SLC24A3: variants seen among roughly 807,000 people sequenced by gnomAD.
SLC24A3 encodes solute carrier family 24 member 3, also known as sodium/potassium/calcium exchanger 3.
A neutral mutation model predicts 75.8 loss-of-function variants in SLC24A3; 28 were observed. That is an observed-to-expected ratio of 0.37 (90% CI 0.27 to 0.51). The LOEUF (loss-of-function observed/expected upper bound fraction) is 0.51, where lower values mean the gene tolerates loss of function less well. SLC24A3 is among the 20% of genes least tolerant of loss of function. SLC24A3 has a pLI of 0.94. For synonymous variants in SLC24A3, 372 were observed against 334.1 expected (o/e 1.11, Z -1.24); for missense variants, 663 against 847.8 (o/e 0.78, Z 2.71).
chr20:19,669,434 G>A (rs576334310), intron 8 of SLC24A3, among the ~76,000 whole-genome samples: 9 of 152,138 alleles, frequency 5.9e-5, no homozygotes, highest in South Asian at 2.1e-4. Context: ...CCCTGGCAGC[G>A]GAGGTTGCTG....
rs1984652476 is a variant in SLC24A3, at chr20:19,319,255, C to T, written c.271+38168C>T. On this transcript the variant is annotated intron_variant, in intron 2 of 16. Transcript: ENST00000328041. ...AGGGGCTGGCTGGGCTTAATTTTTG[C>T]TCCGTAAATATGCATGTGTGTTTAT... Among the ~76,000 whole-genome samples the T allele has an allele frequency of 2.0e-5, 3 of 152,296 alleles. No homozygotes were observed. In the South Asian group the frequency reaches 6.2e-4, roughly 32 times the overall value.
At chr20:19,652,133 CT>C (rs1388838361) in intron 6 of SLC24A3, among the ~76,000 whole-genome samples, 1 of 152,212 alleles carries the variant, frequency 6.6e-6, no homozygotes, top group African/African-American at 2.4e-5. Context: ...AATTATTCTT[CT>C]GCTTTCCAGC....
intron 3 of SLC24A3, among the ~76,000 whole-genome samples, chr20:19,546,667 T>C (rs1369806949): frequency 6.6e-6 from 1 of 152,230 alleles, no homozygotes; most frequent in East Asian, 1.9e-4. Flanking sequence ...TCCTTTCCAA[T>C]TTGGAGTTTC....
intron 2 of SLC24A3, among the ~76,000 whole-genome samples, chr20:19,432,539 CT>C (rs1407033266): frequency 6.6e-6 from 1 of 152,096 alleles, no homozygotes; most frequent in Non-Finnish European, 1.5e-5. Context: ...CTCTGCCTAT[CT>C]AAAGCCCCAA....
chr20:19,579,917 A>G (rs553839814), intron 3 of SLC24A3, 83 bp from the exon 4 acceptor site: 18 of 1,019,384 alleles, frequency 1.8e-5, no homozygotes, highest in Admixed American at 7.3e-5. Context: ...AGAAGACATT[A>G]TCAAAGCAGA....
At chr20:19,285,159 A>G (rs6045949) in intron 2 of SLC24A3, among the ~76,000 whole-genome samples, 7,912 of 152,146 alleles carry the variant, frequency 0.052, 460 homozygotes, top group African/African-American at 0.14. Flanking sequence ...CTTTAAGGAT[A>G]TATTACTTTA....
intron 1 of SLC24A3, among the ~76,000 whole-genome samples, chr20:19,226,546 A>T (rs1981876244): frequency 6.6e-6 from 1 of 152,168 alleles, no homozygotes; most frequent in Non-Finnish European, 1.5e-5. Context: ...CTTAAAAACT[A>T]GTTTTAATGT....
intron 3 of SLC24A3, among the ~76,000 whole-genome samples, chr20:19,561,870 C>G (rs925163811): frequency 7.2e-5 from 11 of 152,132 alleles, no homozygotes; most frequent in Non-Finnish European, 1.5e-4. Flanking sequence ...CTGTCTGATT[C>G]CTGGTTTGTA....
intron 2 of SLC24A3, among the ~76,000 whole-genome samples, chr20:19,479,863 T>C (rs919953480): frequency 5.9e-5 from 9 of 152,194 alleles, no homozygotes; most frequent in Non-Finnish European, 1.3e-4. Flanking sequence ...GTTGGGACAC[T>C]GACAGCCCCA....
chr20:19,336,531 G>A (rs985321087), intron 2 of SLC24A3, among the ~76,000 whole-genome samples: 4 of 152,022 alleles, frequency 2.6e-5, no homozygotes, highest in Admixed American at 2.0e-4. Context: ...AATTACAGGC[G>A]CCTGCCACCA....
At chr20:19,338,158 G>A (rs751399105) in intron 2 of SLC24A3, among the ~76,000 whole-genome samples, 6 of 152,192 alleles carry the variant, frequency 3.9e-5, no homozygotes, top group African/African-American at 9.6e-5. Context: ...ATAGAAAGAA[G>A]CTATTAAATA....
chr20:19,540,786 A>G (rs1018921912), intron 3 of SLC24A3, among the ~76,000 whole-genome samples: 2 of 152,228 alleles, frequency 1.3e-5, no homozygotes, highest in Admixed American at 1.3e-4. Flanking sequence ...GAGAGGAAAA[A>G]ACCAAAACAT....
intron 1 of SLC24A3, among the ~76,000 whole-genome samples, chr20:19,220,897 G>A (rs567035159): frequency 6.6e-6 from 1 of 152,142 alleles, no homozygotes; most frequent in African/African-American, 2.4e-5. Flanking sequence ...AGGGTTAAAG[G>A]TTATTCTTTA....
At chr20:19,309,599 A>AT (rs1404877624) in intron 2 of SLC24A3, among the ~76,000 whole-genome samples, 2 of 152,028 alleles carry the variant, frequency 1.3e-5, no homozygotes, top group South Asian at 2.1e-4. Flanking sequence ...TAGAGCTTCT[A>AT]TTTTTTCTCC....
intron 3 of SLC24A3, among the ~76,000 whole-genome samples, chr20:19,546,644 G>A (rs971076690): frequency 1.3e-5 from 2 of 152,172 alleles, no homozygotes; most frequent in Non-Finnish European, 2.9e-5. Flanking sequence ...GGGCAGACTC[G>A]CAATTTTTAA....
chr20:19,419,051 G>T (rs539760886), intron 2 of SLC24A3, among the ~76,000 whole-genome samples: 1 of 152,208 alleles, frequency 6.6e-6, no homozygotes, highest in Admixed American at 6.5e-5. Flanking sequence ...TAACAAGAAA[G>T]AATCAAGCAT....
At chr20:19,443,391 A>G (rs997816794) in intron 2 of SLC24A3, among the ~76,000 whole-genome samples, 1 of 150,610 alleles carries the variant, frequency 6.6e-6, no homozygotes, top group African/African-American at 2.5e-5. Flanking sequence ...GATCTTATAC[A>G]TAGTTTATTA....
At chr20:19,270,946 G>T (rs1044900118) in intron 1 of SLC24A3, among the ~76,000 whole-genome samples, 1 of 152,160 alleles carries the variant, frequency 6.6e-6, no homozygotes, top group African/African-American at 2.4e-5. Context: ...GCAAAGGGTG[G>T]CAGGAGAGCT....
At chr20:19,464,024 C>A (rs893362534) in intron 2 of SLC24A3, among the ~76,000 whole-genome samples, 1 of 152,202 alleles carries the variant, frequency 6.6e-6, no homozygotes, top group African/African-American at 2.4e-5. Flanking sequence ...AGAATGAAAT[C>A]GCAGTGCACT....
Sources: gnomAD v4.1 joint callset for allele counts (sites outside exome capture counted in the v4.1 genomes callset) on GRCh38, gnomAD v4.1.1 for gene constraint, MANE v1.5 for transcripts, NCBI Gene and HGNC (gene_info 2026-07-23, HGNC 2026-07-21) for gene names.